CSGALNACT1: variants seen among roughly 807,000 people sequenced by gnomAD.
CSGALNACT1 encodes the protein chondroitin sulfate N-acetylgalactosaminyltransferase 1.
CSGALNACT1 carries 52 observed loss-of-function variants against 51.0 expected under a neutral mutation model. The observed-to-expected ratio is 1.02, with a 90% confidence interval of 0.82 to 1.29. The LOEUF is 1.29. CSGALNACT1 is among the 50% of genes most tolerant of loss of function. The probability of loss-of-function intolerance (pLI) is 0.00; values close to 1 mark genes in which losing one functional copy is unlikely to be tolerated. For synonymous variants in CSGALNACT1, 341 were observed against 254.4 expected (o/e 1.34, Z -3.24); for missense variants, 935 against 679.2 (o/e 1.38, Z -4.19).
chr8:19,745,990 A>G (rs1008249485), intron 1 of CSGALNACT1, among the ~76,000 whole-genome samples: 4 of 152,182 alleles, frequency 2.6e-5, no homozygotes, highest in African/African-American at 4.8e-5. Flanking sequence ...GGGTTTGCTC[A>G]GACTTGGTGA....
At chr8:19,753,490 T>C (rs748492652) in intron 1 of CSGALNACT1, among the ~76,000 whole-genome samples, 21 of 152,192 alleles carry the variant, frequency 1.4e-4, no homozygotes, top group Non-Finnish European at 2.2e-4. Flanking sequence ...AGACCTACAA[T>C]GGGCTAAACT....
chr8:19,526,999 T>A (rs1487068477), intron 3 of CSGALNACT1, among the ~76,000 whole-genome samples: 2 of 152,206 alleles, frequency 1.3e-5, no homozygotes, highest in African/African-American at 4.8e-5. Context: ...TCTATATGAC[T>A]CACTACATAT....
exon 10 of CSGALNACT1, chr8:19,404,435 T>A (rs1192174530): frequency 1.5e-5 from 7 of 453,132 alleles, no homozygotes; most frequent in African/African-American, 1.0e-4. Flanking sequence ...TATTTATTTT[T>A]AAAAAATAGT....
At chr8:19,660,541 T>A (rs2058668031) in intron 1 of CSGALNACT1, among the ~76,000 whole-genome samples, 1 of 152,128 alleles carries the variant, frequency 6.6e-6, no homozygotes, top group African/African-American at 2.4e-5. Flanking sequence ...AGCCAGGTGA[T>A]TTGGGGGTAA....
At chr8:19,533,315 T>A (rs2083145515) in intron 3 of CSGALNACT1, among the ~76,000 whole-genome samples, 1 of 152,020 alleles carries the variant, frequency 6.6e-6, no homozygotes, top group African/African-American at 2.4e-5. Context: ...AGAGATGGGG[T>A]CTTGCTATGT....
At chr8:19,680,980 T>G (rs557040624) in intron 1 of CSGALNACT1, among the ~76,000 whole-genome samples, 1 of 152,290 alleles carries the variant, frequency 6.6e-6, no homozygotes, top group African/African-American at 2.4e-5. Context: ...GAAAACTGCG[T>G]GTGACTGTAC....
intron 3 of CSGALNACT1, among the ~76,000 whole-genome samples, chr8:19,567,949 A>G (rs114995444): frequency 0.015 from 2,239 of 152,320 alleles, 55 homozygotes; most frequent in South Asian, 0.061. Flanking sequence ...TGTATAAAAC[A>G]TAACTATGAA....
chr8:19,687,322 A>C (rs2061032334), upstream of CSGALNACT1, among the ~76,000 whole-genome samples: 1 of 152,200 alleles, frequency 6.6e-6, no homozygotes, highest in Non-Finnish European at 1.5e-5. Flanking sequence ...CTAGGCAGAA[A>C]AACTTAGGTA....
intron 3 of CSGALNACT1, among the ~76,000 whole-genome samples, chr8:19,580,124 C>A (rs1375518977): frequency 6.6e-6 from 1 of 152,204 alleles, no homozygotes; most frequent in African/African-American, 2.4e-5. Flanking sequence ...CAGACAGCTG[C>A]AGCCCAAAGC....
chr8:19,429,918 G>C (rs755637770), intron 6 of CSGALNACT1, among the ~76,000 whole-genome samples: 2 of 152,154 alleles, frequency 1.3e-5, no homozygotes, highest in African/African-American at 4.8e-5. Flanking sequence ...CAGCCATCCC[G>C]GTGAGTGTAG....
upstream of CSGALNACT1, among the ~76,000 whole-genome samples, chr8:19,685,143 T>C (rs952555929): frequency 1.3e-4 from 20 of 152,202 alleles, no homozygotes; most frequent in African/African-American, 4.8e-4. Flanking sequence ...CAGTACCCAA[T>C]ACATGGCAAT....
chr8:19,465,321 T>C (rs1586625696), intron 4 of CSGALNACT1, among the ~76,000 whole-genome samples: 1 of 152,106 alleles, frequency 6.6e-6, no homozygotes, highest in African/African-American at 2.4e-5. Flanking sequence ...GAGTGTAGAA[T>C]AGAGGTTGCC....
intron 1 of CSGALNACT1, among the ~76,000 whole-genome samples, chr8:19,614,005 G>T (rs2052653563): frequency 6.6e-6 from 1 of 152,148 alleles, no homozygotes; most frequent in Non-Finnish European, 1.5e-5. Context: ...AGTGACTCTG[G>T]AAAATGCCGT....
At chr8:19,451,144 G>A (rs1243763517) in intron 5 of CSGALNACT1, among the ~76,000 whole-genome samples, 4 of 152,244 alleles carry the variant, frequency 2.6e-5, no homozygotes, top group Admixed American at 2.6e-4. Context: ...TTAAATGAAG[G>A]CCCTTAGGGT....
At chr8:19,580,189 T>C (rs1466017119) in intron 3 of CSGALNACT1, among the ~76,000 whole-genome samples, 1 of 152,136 alleles carries the variant, frequency 6.6e-6, no homozygotes, top group Non-Finnish European at 1.5e-5. Flanking sequence ...GGACTTCCAA[T>C]GCAGCCAGAA....
upstream of CSGALNACT1, among the ~76,000 whole-genome samples, chr8:19,686,094 T>C (rs537150057): frequency 1.3e-5 from 2 of 152,188 alleles, no homozygotes; most frequent in Non-Finnish European, 2.9e-5. Context: ...GCACAGTTAA[T>C]TCTTTTTCTC....
intron 1 of CSGALNACT1, among the ~76,000 whole-genome samples, chr8:19,665,114 A>G (rs955970181): frequency 2.0e-5 from 3 of 152,210 alleles, no homozygotes; most frequent in African/African-American, 7.2e-5. Context: ...CCCAAGTTCA[A>G]GCGATTCTTC....
At chr8:19,720,327 T>C (rs1275777250) in intron 1 of CSGALNACT1, among the ~76,000 whole-genome samples, 1 of 152,204 alleles carries the variant, frequency 6.6e-6, no homozygotes, top group Admixed American at 6.5e-5. Context: ...ATGGTTCTCA[T>C]GTATCAGGGA....
intron 1 of CSGALNACT1, among the ~76,000 whole-genome samples, chr8:19,751,500 C>G (rs954065484): frequency 1.3e-5 from 2 of 152,146 alleles, no homozygotes; most frequent in African/African-American, 4.8e-5. Flanking sequence ...TACCTGAATC[C>G]TCTGTTCCAG....
Sources: allele counts gnomAD v4.1 joint callset (sites outside exome capture counted in the v4.1 genomes callset), GRCh38; gene constraint gnomAD v4.1.1; transcripts MANE v1.5; gene names NCBI Gene and HGNC (gene_info 2026-07-23, HGNC 2026-07-21).